Variants in RNF38 observed in about 807,000 individuals in gnomAD.
RNF38 encodes ring finger protein 38.
In RNF38, 15 loss-of-function variants were observed where a neutral mutation model predicts 67.2. The ratio of observed to expected loss-of-function variants is 0.22; its 90% CI spans 0.15 to 0.34. The LOEUF (loss-of-function observed/expected upper bound fraction) is 0.34. RNF38 is among the 10% of genes least tolerant of loss of function. The pLI is 1.00. For synonymous variants in RNF38, 220 were observed against 218.8 expected (o/e 1.01, Z -0.05); for missense variants, 524 against 639.9 (o/e 0.82, Z 1.95).
intron 2 of RNF38, among the ~76,000 whole-genome samples, chr9:36,381,462 T>C (rs947573552): frequency 2.0e-5 from 3 of 152,174 alleles, no homozygotes; most frequent in South Asian, 2.1e-4. Flanking sequence ...ATAGAAATTA[T>C]AGGACCTAAC....
intron 1 of RNF38, among the ~76,000 whole-genome samples, chr9:36,457,655 C>A (rs963620612): frequency 2.0e-5 from 3 of 152,118 alleles, no homozygotes; most frequent in Non-Finnish European, 4.4e-5. Flanking sequence ...CGTCTGTAAT[C>A]CCAGCACTTT....
chr9:36,386,974 T>C (rs1485040427), intron 2 of RNF38, among the ~76,000 whole-genome samples: 1 of 152,204 alleles, frequency 6.6e-6, no homozygotes, highest in African/African-American at 2.4e-5. Flanking sequence ...GGTTAATTTT[T>C]GTATTTTTAG....
chr9:36,380,849 T>C (rs926631378), intron 2 of RNF38, among the ~76,000 whole-genome samples: 3 of 152,098 alleles, frequency 2.0e-5, no homozygotes, highest in Non-Finnish European at 2.9e-5. Flanking sequence ...AGGGAAATCA[T>C]CAAGGACTCA....
chr9:36,355,510 C>A (rs1041298087), intron 6 of RNF38, among the ~76,000 whole-genome samples: 2 of 152,236 alleles, frequency 1.3e-5, no homozygotes, highest in East Asian at 3.9e-4. Context: ...AGTGAAAAAC[C>A]AGGCCTTCAG....
intron 6 of RNF38, among the ~76,000 whole-genome samples, chr9:36,355,647 AC>A (rs569333656): frequency 2.1e-3 from 320 of 152,316 alleles, no homozygotes; most frequent in Middle Eastern, 3.4e-3. Context: ...AAAGAAAAAA[AC>A]AATACAACTA....
At chr9:36,395,147 G>A (rs1427701277) in intron 1 of RNF38, among the ~76,000 whole-genome samples, 2 of 152,080 alleles carry the variant, frequency 1.3e-5, no homozygotes, top group Non-Finnish European at 2.9e-5. Flanking sequence ...ACTATTTTAG[G>A]ACATCCTTTG....
At chr9:36,485,990 T>C (rs947061074) in intron 1 of RNF38, among the ~76,000 whole-genome samples, 1 of 152,172 alleles carries the variant, frequency 6.6e-6, no homozygotes, top group East Asian at 1.9e-4. Flanking sequence ...CCTTGTAAGC[T>C]ACCATCCACC....
rs986833497 is a variant in RNF38 at position 36,476,801 on chromosome 9, T to C, written n.241+10507A>G. ...CTCTGGCCTCCCAAAGTCCTGGGAT[T>C]ATAGCTGTTTCCTAATCCAGGACAA... On this transcript the variant is annotated intron_variant and non_coding_transcript_variant, in intron 1 of 3. Coordinates refer to the RNF38 transcript ENST00000488058. Among the ~76,000 whole-genome samples, 17 of 152,120 alleles carry C rather than the reference T, an allele frequency of 1.1e-4. 1 individual carries two copies. The highest frequency in any genetic ancestry group is 2.5e-4 in the Non-Finnish European group (17 of 68,014).
chr9:36,395,769 A>G (rs1054322791), intron 1 of RNF38, among the ~76,000 whole-genome samples: 1 of 152,236 alleles, frequency 6.6e-6, no homozygotes, highest in Non-Finnish European at 1.5e-5. Flanking sequence ...CAGCACAATA[A>G]TAGCGACAAT....
intron 2 of RNF38, among the ~76,000 whole-genome samples, chr9:36,420,783 A>C (rs1838604109): frequency 6.6e-6 from 1 of 152,196 alleles, no homozygotes; most frequent in Non-Finnish European, 1.5e-5. Context: ...AAATTATGGA[A>C]TATGGCCCTG....
intron 2 of RNF38, among the ~76,000 whole-genome samples, chr9:36,376,926 CAAA>C (rs34112141): frequency 0.018 from 1,796 of 102,122 alleles, 27 homozygotes; most frequent in African/African-American, 0.059. Flanking sequence ...GACTCTGTCT[CAAA>C]AAAAAAAAAA....
At chr9:36,485,462 A>T (rs1344198474) in intron 1 of RNF38, among the ~76,000 whole-genome samples, 4 of 152,202 alleles carry the variant, frequency 2.6e-5, no homozygotes, top group African/African-American at 9.7e-5. Context: ...CACAACCTTA[A>T]TAATCCTCGG....
At chr9:36,384,897 T>C (rs1041660149) in intron 2 of RNF38, among the ~76,000 whole-genome samples, 3 of 152,210 alleles carry the variant, frequency 2.0e-5, no homozygotes, top group Admixed American at 1.3e-4. Flanking sequence ...GAATATACAG[T>C]GCAGTGGTGG....
rs1235484271 is a variant in RNF38, at chr9:36,487,226, C to A, written n.241+82G>T. 4 of 859,724 alleles carry A rather than the reference C, an allele frequency of 4.7e-6. No homozygotes were observed. The South Asian group carries it at 2.1e-4, about 45-fold the overall frequency. 53.3% of individuals were successfully genotyped at this position (859,724 alleles called of 1,614,324 possible). A position where few individuals can be genotyped will look rare whatever the true frequency, so the allele number is the denominator to read the frequency against. On this transcript the variant is annotated intron_variant and non_coding_transcript_variant, in intron 1 of 3. Transcript: ENST00000488058. ...GCTCCTCCCCGTCGGCGGGGCCGGGCGCCTGGACCACACGCCTCCGGCCCC... is the reference window on the plus strand; with the variant it reads ...GCTCCTCCCCGTCGGCGGGGCCGGGAGCCTGGACCACACGCCTCCGGCCCC...
chr9:36,458,834 A>G (rs1839655297), intron 1 of RNF38, among the ~76,000 whole-genome samples: 2 of 152,238 alleles, frequency 1.3e-5, no homozygotes, highest in African/African-American at 2.4e-5. Flanking sequence ...AGACAGAGAG[A>G]CAAGTCCACT....
At chr9:36,414,687 CAAAAA>C (rs549559098) in intron 2 of RNF38, among the ~76,000 whole-genome samples, 7 of 70,024 alleles carry the variant, frequency 1.0e-4, no homozygotes, top group Admixed American at 6.3e-4. Context: ...ACTCTGTCTC[CAAAAA>C]AAAAAAAAAA....
intron 1 of RNF38, chr9:36,487,231 G>A: frequency 1.1e-6 from 1 of 903,186 alleles, no homozygotes; most frequent in Non-Finnish European, 1.3e-6. Context: ...CCGGGCGCCT[G>A]GACCACACGC....
rs1039573346 is a variant in RNF38, at chr9:36,342,194, A to G, written c.1485+131T>C. 4 of 661,438 alleles carry G rather than the reference A, an allele frequency of 6.0e-6. No homozygotes were observed. The African/African-American group carries it at 7.3e-5, about 12-fold the overall frequency. The allele number at this position is 661,438 out of a possible 1,614,324, so 41.0% of individuals were successfully genotyped here. A position where few individuals can be genotyped will look rare whatever the true frequency, so the allele number is the denominator to read the frequency against. On this transcript the variant is annotated intron_variant, in intron 11 of 11. Coordinates refer to ENST00000259605, the MANE Select transcript of RNF38 (RefSeq NM_022781.5). The stretch of plus-strand genomic sequence containing the variant: ...TTTTTACTGGCCTTTTCTCATTTGC[A>G]GAGATCATACTGAAAGCTGTGTTTC...
chr9:36,486,112 C>A (rs896732526), intron 1 of RNF38, among the ~76,000 whole-genome samples: 2 of 152,146 alleles, frequency 1.3e-5, no homozygotes, highest in East Asian at 3.9e-4. Flanking sequence ...TTTCATCTCC[C>A]TTCCCCCACA....
Sources: gnomAD v4.1 joint callset for allele counts (sites outside exome capture counted in the v4.1 genomes callset) on GRCh38, gnomAD v4.1.1 for gene constraint, MANE v1.5 for transcripts, NCBI Gene and HGNC (gene_info 2026-07-23, HGNC 2026-07-21) for gene names.